The following TUSC3 variants were observed in gnomAD, a reference collection of about 807,000 sequenced individuals.
TUSC3 encodes the protein dolichyl-diphosphooligosaccharide--protein glycosyltransferase subunit TUSC3.
TUSC3 carries 45 observed loss-of-function variants against 44.8 expected under a neutral mutation model. That is an observed-to-expected ratio of 1.00 (90% CI 0.79 to 1.29). The LOEUF is 1.29. TUSC3 is among the 50% of genes most tolerant of loss of function. TUSC3 has a pLI of 0.00. For synonymous variants in TUSC3, 212 were observed against 152.9 expected, an observed-to-expected ratio of 1.39 and a Z score of -2.85; for missense variants, 519 against 437.9, an observed-to-expected ratio of 1.19 and a Z score of -1.65.
chr8:15,662,491 C>T (rs1044558897), intron 5 of TUSC3, among the ~76,000 whole-genome samples, 195 bp downstream of exon 5: 1 of 38,294 alleles, frequency 2.6e-5, no homozygotes, highest in African/African-American at 9.0e-5. Context: ...CAACTTTTCA[C>T]TGCATGTACT....
intron 1 of TUSC3, among the ~76,000 whole-genome samples, chr8:15,615,373 C>T (rs1443101108): frequency 1.3e-5 from 2 of 152,282 alleles, no homozygotes; most frequent in Non-Finnish European, 2.9e-5. Context: ...AGACAAACAT[C>T]ACATGTTCTC....
chr8:15,806,221 C>G, the TUSC3 span: 2 of 532,066 alleles, frequency 3.8e-6, no homozygotes, highest in African/African-American at 3.8e-5. Context: ...TAAATGGCTT[C>G]AATAACATTT....
At chr8:15,428,339 T>C (rs1015322385) in intron 1 of TUSC3, among the ~76,000 whole-genome samples, 4 of 152,028 alleles carry the variant, frequency 2.6e-5, no homozygotes, top group African/African-American at 7.3e-5. Flanking sequence ...ATGGTGCATA[T>C]GTGCCACATT....
intron 1 of TUSC3, among the ~76,000 whole-genome samples, chr8:15,601,958 G>A (rs1186185702): frequency 2.0e-5 from 3 of 151,078 alleles, no homozygotes; most frequent in East Asian, 1.9e-4. Context: ...CGCAGAACTA[G>A]CATTTATTTG....
intron 9 of TUSC3, among the ~76,000 whole-genome samples, chr8:15,755,528 G>T (rs1563207579): frequency 6.6e-6 from 1 of 151,974 alleles, no homozygotes; most frequent in Admixed American, 6.6e-5. Context: ...TTGGGCTCCT[G>T]GGTCTCTTGA....
chr8:15,644,170 T>G (rs2129172881), intron 2 of TUSC3, among the ~76,000 whole-genome samples: 1 of 151,932 alleles, frequency 6.6e-6, no homozygotes, highest in African/African-American at 2.4e-5. Flanking sequence ...GCATTTAGAT[T>G]AAGTGATTTT....
At chr8:15,740,691 C>A (rs1811154754) in intron 7 of TUSC3, among the ~76,000 whole-genome samples, 1 of 152,092 alleles carries the variant, frequency 6.6e-6, no homozygotes, top group Non-Finnish European at 1.5e-5. Flanking sequence ...AAAACTTGAA[C>A]TAACATTGCT....
the TUSC3 span, among the ~76,000 whole-genome samples, chr8:15,784,747 A>G: frequency 2.0e-5 from 3 of 152,126 alleles, no homozygotes; most frequent in South Asian, 6.2e-4. Flanking sequence ...AATGATGGCT[A>G]CCAGAGGCTG....
intron 6 of TUSC3, among the ~76,000 whole-genome samples, chr8:15,713,760 T>G (rs1809953689): frequency 6.6e-6 from 1 of 152,116 alleles, no homozygotes; most frequent in Non-Finnish European, 1.5e-5. Context: ...AGTGACCTCA[T>G]TTAATGACCT....
intron 1 of TUSC3, among the ~76,000 whole-genome samples, chr8:15,549,877 C>A (rs1182912361): frequency 6.6e-6 from 1 of 151,610 alleles, no homozygotes; most frequent in East Asian, 2.0e-4. Flanking sequence ...CCCTCAGACA[C>A]TGAATTGTAG....
At chr8:15,512,497 G>A (rs192345462) in intron 2 of TUSC3, among the ~76,000 whole-genome samples, 1 of 152,232 alleles carries the variant, frequency 6.6e-6, no homozygotes, top group African/African-American at 2.4e-5. Context: ...CTCTGGCTGG[G>A]CACGGTGGCT....
intron 2 of TUSC3, among the ~76,000 whole-genome samples, chr8:15,497,717 T>C (rs1340757199): frequency 6.7e-6 from 1 of 149,794 alleles, no homozygotes; most frequent in Non-Finnish European, 1.5e-5. Flanking sequence ...CTTTTTTCTT[T>C]CTTTTTCTTT....
chr8:15,617,263 C>G (rs1489111107), intron 1 of TUSC3, among the ~76,000 whole-genome samples: 1 of 151,544 alleles, frequency 6.6e-6, no homozygotes, highest in African/African-American at 2.4e-5. Context: ...CTTCAGCCTC[C>G]TGAGTAGCTG....
chr8:15,748,548 A>G, intron 9 of TUSC3, 83 bp downstream of exon 9: 2 of 1,255,810 alleles, frequency 1.6e-6, no homozygotes, highest in Admixed American at 1.7e-5. Context: ...ATTAAGGATG[A>G]ATGTAAAGTT....
At chr8:15,627,961 C>G (rs1261584069) in intron 2 of TUSC3, among the ~76,000 whole-genome samples, 4 of 152,182 alleles carry the variant, frequency 2.6e-5, no homozygotes, top group Non-Finnish European at 4.4e-5. Context: ...GTGCCACTGG[C>G]CACAGAGGTT....
At chr8:15,830,798 G>C in the TUSC3 span, among the ~76,000 whole-genome samples, 25 of 152,136 alleles carry the variant, frequency 1.6e-4, no homozygotes, top group African/African-American at 5.8e-4. Flanking sequence ...AAAAATTATT[G>C]AGTATGATAT....
At chr8:15,586,948 G>T (rs772286031) in intron 1 of TUSC3, among the ~76,000 whole-genome samples, 1 of 152,150 alleles carries the variant, frequency 6.6e-6, no homozygotes, top group Non-Finnish European at 1.5e-5. Flanking sequence ...AGCCATCCTA[G>T]TGATTCTGAT....
At chr8:15,728,597 G>T (rs1217840114) in intron 6 of TUSC3, among the ~76,000 whole-genome samples, 1 of 152,172 alleles carries the variant, frequency 6.6e-6, no homozygotes, top group Non-Finnish European at 1.5e-5. Flanking sequence ...TCCTGAGTTA[G>T]GGGAGAATGG....
At chr8:15,532,543 G>T (rs1397701206) in intron 2 of TUSC3, among the ~76,000 whole-genome samples, 3 of 152,144 alleles carry the variant, frequency 2.0e-5, no homozygotes, top group Non-Finnish European at 2.9e-5. Context: ...GCAGGTACTG[G>T]GGAGAGAGTA....
Sources: allele counts gnomAD v4.1 joint callset (sites outside exome capture counted in the v4.1 genomes callset), GRCh38; gene constraint gnomAD v4.1.1; transcripts MANE v1.5; gene names NCBI Gene and HGNC (gene_info 2026-07-23, HGNC 2026-07-21).